APC: variants seen among roughly 807,000 people sequenced by gnomAD.
The protein encoded by APC is APC regulator of Wnt signaling pathway, also known as adenomatous polyposis coli protein.
Under a neutral mutation model 247.0 loss-of-function variants are expected in APC, and 72 were observed. That is an observed-to-expected ratio of 0.29 (90% confidence interval 0.24 to 0.35). The LOEUF is 0.35. Among genes scored for constraint, APC ranks in the 10% least tolerant of loss-of-function variants. The pLI is 1.00. For missense variants in APC, 3,400 were observed against 3,360.7 expected, an observed-to-expected ratio of 1.01 and a Z score of -0.29; for synonymous variants, 1,254 against 1,162.5, an observed-to-expected ratio of 1.08 and a Z score of -1.60.
At position 112,738,235 on chromosome 5, in the gene APC, G is replaced by C. The variant is rs76537511; in HGVS notation, c.-19+310G>C. The C allele has an allele frequency of 8.4e-5, 82 of 971,894 alleles. 1 individual carries two copies. In the East Asian group the frequency reaches 7.3e-3, roughly 87 times the overall value. 60.2% of individuals were successfully genotyped at this position (971,894 alleles called of 1,614,324 possible). A position where few individuals can be genotyped will look rare whatever the true frequency, so the allele number is the denominator to read the frequency against. On this transcript the variant is annotated intron_variant, in intron 1 of 15. Coordinates refer to ENST00000257430, the MANE Select transcript of APC (RefSeq NM_000038.6). ...TTTGTTTTTATAATGCCATTTGACA[G>C]AGTGGAATAACAGTATCTAAGGAAA...
Position 112,803,365 on chromosome 5 carries a change from A to G in APC, c.834+1982A>G, listed in dbSNP as rs112602390. On this transcript the variant is annotated intron_variant, in intron 8 of 15. Coordinates refer to ENST00000257430, the MANE Select transcript of APC (RefSeq NM_000038.6). ...CTAACAATAGCAAAAAGTTAGAAATAACCTAAATGGACATTGATCGTAAAA... is the reference window on the plus strand; with the variant it reads ...CTAACAATAGCAAAAAGTTAGAAATGACCTAAATGGACATTGATCGTAAAA... Among the ~76,000 whole-genome samples, 761 of 152,308 alleles carry G rather than the reference A, an allele frequency of 5.0e-3. 8 individuals carry two copies. Among genetic ancestry groups the G allele is most frequent in the African/African-American group, 0.018 (728 of 41,560 alleles).
rs747554965 is a variant in APC, at chr5:112,839,340, G to C, written c.3746G>C (p.Cys1249Ser). Residue 1249 changes from cysteine to serine, a missense_variant, in exon 16 of 16, where the codon TGC (cysteine) becomes TCC (serine). Coordinates refer to ENST00000257430, the MANE Select transcript of APC (RefSeq NM_000038.6). This position sits in a 1 kb window ranked among gnomAD's most constrained non-coding sequence, Gnocchi z 5.0. ...GGTCAGCCTCAAAAGGCTGCCACTTGCAAAGTTTCTTCTATTAACCAAGAA... is the reference window on the plus strand; with the variant it reads ...GGTCAGCCTCAAAAGGCTGCCACTTCCAAAGTTTCTTCTATTAACCAAGAA... ...RSGQPQKAAT[C>S]KVSSINQETI... 1 of 1,613,076 alleles carries C rather than the reference G, an allele frequency of 6.2e-7. No individual in the cohort carries two copies. The highest frequency in any genetic ancestry group is 1.1e-5 in the South Asian group (1 of 90,956).
rs1243911063 is a variant in APC at position 112,833,914 on chromosome 5, T to C, written c.1744-1037T>C. Among the ~76,000 whole-genome samples the C allele has an allele frequency of 2.0e-5, 3 of 152,132 alleles. No individual in the cohort carries two copies. The East Asian group carries it at 5.8e-4, about 29-fold the overall frequency. On this transcript the variant is annotated intron_variant, in intron 14 of 15. Transcript: ENST00000257430. ...GTCATTTAATAATACTTCCAAGATATCTTTCCATATCTATGTATGGTTTAC... is the reference window on the plus strand; with the variant it reads ...GTCATTTAATAATACTTCCAAGATACCTTTCCATATCTATGTATGGTTTAC...
chr5:112,819,466 C>A, intron 10 of APC, 122 bp downstream of exon 10: 1 of 1,274,934 alleles, frequency 7.8e-7, no homozygotes, highest in Non-Finnish European at 1.1e-6. Flanking sequence ...TCATATCAGC[C>A]ATTTGTGCTA....
chr5:112,767,464 AT>A (rs551885593), intron 4 of APC, 74 bp downstream of exon 4: 25 of 1,257,722 alleles, frequency 2.0e-5, no homozygotes, highest in Non-Finnish European at 2.6e-5. Context: ...TAATATTTAA[AT>A]TGTGAATTTA....
chr5:112,776,907 A>G (rs1202838340), intron 5 of APC, among the ~76,000 whole-genome samples: 3 of 152,132 alleles, frequency 2.0e-5, no homozygotes, highest in South Asian at 2.1e-4. Flanking sequence ...TTAAGTGTCC[A>G]TTTAACTGTC....
chr5:112,731,305 T>C (rs943891333), intron 1 of APC, among the ~76,000 whole-genome samples: 5 of 152,166 alleles, frequency 3.3e-5, no homozygotes, highest in African/African-American at 4.8e-5. Flanking sequence ...ACAAAATACC[T>C]GAGACTGGGT....
intron 8 of APC, among the ~76,000 whole-genome samples, chr5:112,803,078 TA>T (rs1306800797): frequency 6.6e-6 from 1 of 152,120 alleles, no homozygotes; most frequent in Non-Finnish European, 1.5e-5. Flanking sequence ...AAATTAAAAC[TA>T]AAGTCAGATT....
intron 6 of APC, among the ~76,000 whole-genome samples, chr5:112,790,292 CTTGTT>C (rs1403760811): frequency 8.0e-5 from 12 of 150,152 alleles, no homozygotes; most frequent in Non-Finnish European, 1.5e-4. Context: ...AGCACAGCTT[CTTGTT>C]TTATTTGGGT....
intron 1 of APC, among the ~76,000 whole-genome samples, chr5:112,711,023 A>G (rs1487004228): frequency 6.6e-6 from 1 of 152,180 alleles, no homozygotes; most frequent in Non-Finnish European, 1.5e-5. Context: ...AAATCCAATG[A>G]CGTTTCCTCT....
chr5:112,737,266 A>G (rs1400456968), upstream of APC, among the ~76,000 whole-genome samples: 1 of 152,224 alleles, frequency 6.6e-6, no homozygotes, highest in Non-Finnish European at 1.5e-5. Flanking sequence ...CTGAGAGGTT[A>G]AGTAACTAAA....
At position 112,739,219 on chromosome 5, in the gene APC, A is replaced by G. The variant is rs577127561; in HGVS notation, c.-19+1294A>G. Among the ~76,000 whole-genome samples the G allele has an allele frequency of 2.6e-5, 4 of 152,296 alleles. No homozygotes were observed. In the South Asian group the frequency reaches 6.2e-4, roughly 24 times the overall value. On this transcript the variant is annotated intron_variant, in intron 1 of 15. Transcript: ENST00000257430. ...TACTCATGAGATATACTCTTGATAT[A>G]AAGTGTTTTTCATTGAGCTTTTTTT...
At chr5:112,801,428 C>T (rs1173003085) in intron 8 of APC, 45 bp downstream of exon 8, 1 of 1,365,784 alleles carries the variant, frequency 7.3e-7, no homozygotes, top group Admixed American at 2.0e-5. Context: ...ATTTAAATAT[C>T]AGAAAAGTAT....
rs1561623862 is a variant in APC, at chr5:112,844,095, A to G, written c.8501A>G (p.His2834Arg). 1 of 1,612,264 alleles carries G rather than the reference A, an allele frequency of 6.2e-7. No homozygotes were observed. The highest frequency in any genetic ancestry group is 8.5e-7 in the Non-Finnish European group (1 of 1,179,506). The change falls in exon 16 of 16, where the codon CAT (histidine) becomes CGT (arginine). Residue 2834 changes from histidine to arginine, a missense_variant. This residue lies in a region of APC where 1,788 missense variants were observed against 1,649.5 expected (regional missense o/e 1.08). Coordinates refer to ENST00000257430, the MANE Select transcript of APC (RefSeq NM_000038.6). ...AGTGGAACCCAAAGTCCTAAGCGCCATTCTGGGTCTTACCTTGTGACATCT... is the reference window on the plus strand; with the variant it reads ...AGTGGAACCCAAAGTCCTAAGCGCCGTTCTGGGTCTTACCTTGTGACATCT... ...ESSGTQSPKR[H>R]SGSYLVTSV
At chr5:112,805,275 A>G (rs770117984) in intron 8 of APC, among the ~76,000 whole-genome samples, 5 of 152,160 alleles carry the variant, frequency 3.3e-5, no homozygotes, top group Non-Finnish European at 7.3e-5. Flanking sequence ...TTTCCGTTGT[A>G]TGGTAGTTTA....
At chr5:112,755,720 AATT>A in intron 2 of APC, among the ~76,000 whole-genome samples, 1 of 152,342 alleles carries the variant, frequency 6.6e-6, no homozygotes, top group Middle Eastern at 3.4e-3. Flanking sequence ...GTTTCAAAAT[AATT>A]GAGGTTAAAA....
chr5:112,733,616 C>T (rs1752205933), upstream of APC, among the ~76,000 whole-genome samples: 1 of 152,162 alleles, frequency 6.6e-6, no homozygotes, highest in South Asian at 2.1e-4. Context: ...AGAAGTGCAG[C>T]CCTGCAGACA....
At chr5:112,820,473 A>G (rs1404850288) in intron 10 of APC, among the ~76,000 whole-genome samples, 2 of 152,164 alleles carry the variant, frequency 1.3e-5, no homozygotes, top group African/African-American at 2.4e-5. Flanking sequence ...GCACAGTGAG[A>G]CACTATCTCA....
At chr5:112,772,915 T>G (rs1482741959) in intron 4 of APC, among the ~76,000 whole-genome samples, 1 of 152,186 alleles carries the variant, frequency 6.6e-6, no homozygotes, top group Admixed American at 6.5e-5. Flanking sequence ...ACCTGGTAGG[T>G]CCTGCAGGTC....
Sources: gnomAD v4.1 joint callset for allele counts (sites outside exome capture counted in the v4.1 genomes callset) on GRCh38, gnomAD v4.1.1 for gene constraint, gnomAD v4.1.1 regional missense constraint, Gnocchi (gnomAD v3.1) non-coding constraint, MANE v1.5 for transcripts, NCBI Gene and HGNC (gene_info 2026-07-23, HGNC 2026-07-21) for gene names.